SLC1A6: variants seen among roughly 807,000 people sequenced by gnomAD.
The protein encoded by SLC1A6 is excitatory amino acid transporter 4.
Under a neutral mutation model 42.1 loss-of-function variants are expected in SLC1A6, and 15 were observed. The ratio of observed to expected loss-of-function variants is 0.36; its 90% CI spans 0.24 to 0.55. The LOEUF (loss-of-function observed/expected upper bound fraction) is 0.55, where lower values mean the gene tolerates loss of function less well. Among genes scored for constraint, SLC1A6 ranks in the 20% least tolerant of loss-of-function variants. The probability of loss-of-function intolerance (pLI) is 0.88; values close to 1 mark genes in which losing one functional copy is unlikely to be tolerated. For missense variants in SLC1A6, 542 were observed against 772.5 expected (o/e 0.70, Z 3.54); for synonymous variants, 317 against 319.7 (o/e 0.99, Z 0.09).
At chr19:14,968,232 C>G in intron 4 of SLC1A6, 71 bp downstream of exon 4, 1 of 1,274,702 alleles carries the variant, frequency 7.8e-7, no homozygotes, top group Non-Finnish European at 1.1e-6. Flanking sequence ...TCTTTGCAGG[C>G]TATAATCTTT....
upstream of SLC1A6, among the ~76,000 whole-genome samples, chr19:14,982,896 A>G (rs1400530156): frequency 6.6e-6 from 1 of 152,258 alleles, no homozygotes; most frequent in African/African-American, 2.4e-5. Context: ...AACATAAAAT[A>G]GCATATTTTT....
chr19:15,002,964 A>ATGTTGT (rs140957015), intron 1 of SLC1A6, among the ~76,000 whole-genome samples: 1 of 150,814 alleles, frequency 6.6e-6, no homozygotes. Flanking sequence ...TTTTTGTGGG[A>ATGTTGT]TGTTGTTGTT....
Position 15,006,760 on chromosome 19 carries a change from CAAAAAAA to C in SLC1A6, c.6+3718_6+3724del, listed in dbSNP as rs58932066. On this transcript the variant is annotated intron_variant, in intron 1 of 8. Coordinates refer to the SLC1A6 transcript ENST00000430939. Reference sequence around the variant, plus strand: ...GAAAGATAGCAAGACCCTGTCTCTACAAAAAAAAAAAAAGAAAAAGAAAAGAAAAGAA... The same window carrying C: ...GAAAGATAGCAAGACCCTGTCTCTACAAAAAAGAAAAAGAAAAGAAAAGAA... Among the ~76,000 whole-genome samples, 711 of 133,138 alleles carry C rather than the reference CAAAAAAA, an allele frequency of 5.3e-3. 12 individuals carry two copies. The highest frequency in any genetic ancestry group is 0.019 in the African/African-American group (687 of 35,514). The allele number at this position is 133,138 out of a possible 152,430, so 87.3% of individuals were successfully genotyped here.
upstream of SLC1A6, among the ~76,000 whole-genome samples, chr19:14,984,477 G>C (rs1303600402): frequency 6.6e-6 from 1 of 152,184 alleles, no homozygotes; most frequent in African/African-American, 2.4e-5. Context: ...GTCTTACACA[G>C]ACAGGCAGTT....
chr19:14,957,594 C>T (rs908244557), intron 6 of SLC1A6, among the ~76,000 whole-genome samples: 1 of 152,210 alleles, frequency 6.6e-6, no homozygotes, highest in African/African-American at 2.4e-5. Context: ...ACTTCCCACC[C>T]TCCAGAGCTG....
intron 1 of SLC1A6, chr19:14,975,329 T>C (rs537870155): frequency 1.9e-4 from 18 of 92,640 alleles, no homozygotes; most frequent in African/African-American, 7.5e-4. Context: ...AAATGATCAA[T>C]GTTTGAGATG....
intron 1 of SLC1A6, among the ~76,000 whole-genome samples, chr19:14,996,540 CTTCTTCTTCTTCTTCTTCTTG>C (rs1376497585): frequency 7.1e-6 from 1 of 141,676 alleles, no homozygotes; most frequent in African/African-American, 2.7e-5. Context: ...TCTTCTTCTT[CTTCTTCTTCTTCTTCTTCTTG>C]TTCTTCTTCC....
upstream of SLC1A6, among the ~76,000 whole-genome samples, chr19:14,981,837 G>A (rs899195606): frequency 2.6e-5 from 4 of 152,094 alleles, no homozygotes; most frequent in East Asian, 1.9e-4. Context: ...ATCTACCTGC[G>A]CAGTCCTCTT....
At chr19:14,971,613 C>T in intron 3 of SLC1A6, 124 bp downstream of exon 3, 3 of 968,802 alleles carry the variant, frequency 3.1e-6, no homozygotes, top group South Asian at 3.2e-5. Flanking sequence ...GGACCAGACA[C>T]AGGCTCCATG....
intron 1 of SLC1A6, among the ~76,000 whole-genome samples, chr19:14,991,060 T>G (rs2145232033): frequency 6.6e-6 from 1 of 152,260 alleles, no homozygotes. Flanking sequence ...ATAAAAATAT[T>G]TTTAAAACAC....
rs2301854 is a variant in SLC1A6, at chr19:14,962,433, G to C, written c.592-88C>G. On this transcript the variant is annotated intron_variant, in intron 5 of 9. Coordinates refer to ENST00000594383, the MANE Select transcript of SLC1A6 (RefSeq NM_005071.3). The stretch of plus-strand genomic sequence containing the variant: ...AATTCCTTGAGACCACTGATTCCCA[G>C]TTCCCACACCCTGGAAGATCGATAA... 3.0e-4 allele frequency: 262 copies of C among 859,916 alleles called. 1 individual carries two copies. The East Asian group carries it at 5.8e-3, about 19-fold the overall frequency. 53.3% of individuals were successfully genotyped at this position (859,916 alleles called of 1,614,324 possible).
intron 1 of SLC1A6, among the ~76,000 whole-genome samples, chr19:14,995,341 A>G (rs981488874): frequency 8.4e-6 from 1 of 119,666 alleles, no homozygotes; most frequent in African/African-American, 3.1e-5. Flanking sequence ...AAAAAAAAAA[A>G]AAAGAAAGAA....
chr19:14,966,575 T>A (rs952478355), intron 4 of SLC1A6, among the ~76,000 whole-genome samples: 6 of 152,172 alleles, frequency 3.9e-5, no homozygotes, highest in South Asian at 2.1e-4. Context: ...GTTAATTTTT[T>A]AAAAAATCGT....
chr19:14,992,278 G>A (rs1286522695), intron 1 of SLC1A6, among the ~76,000 whole-genome samples: 1 of 152,084 alleles, frequency 6.6e-6, no homozygotes, highest in Non-Finnish European at 1.5e-5. Context: ...TAGCTTAGTC[G>A]CCGGTTTTTT....
intron 1 of SLC1A6, among the ~76,000 whole-genome samples, chr19:15,007,635 T>G (rs1240256003): frequency 6.6e-6 from 1 of 152,194 alleles, no homozygotes; most frequent in African/African-American, 2.4e-5. Context: ...GGACCCACTA[T>G]GTGCTATGAA....
intron 1 of SLC1A6, chr19:14,974,341 A>T (rs1364413384): frequency 1.3e-5 from 2 of 152,190 alleles, no homozygotes; most frequent in Admixed American, 6.5e-5. Flanking sequence ...TGGACGACAG[A>T]GTGAGACTCT....
chr19:14,966,201 T>A (rs1000684808), intron 4 of SLC1A6, among the ~76,000 whole-genome samples: 1 of 152,078 alleles, frequency 6.6e-6, no homozygotes, highest in Non-Finnish European at 1.5e-5. Flanking sequence ...AATTAAAAAA[T>A]TTTTCATAGG....
intron 4 of SLC1A6, among the ~76,000 whole-genome samples, chr19:14,965,431 A>G (rs1330603904): frequency 2.6e-5 from 4 of 152,212 alleles, no homozygotes; most frequent in Non-Finnish European, 4.4e-5. Context: ...ACCTGCACAC[A>G]TATGTTTATC....
chr19:14,962,898 T>A (rs1325542498), intron 5 of SLC1A6, among the ~76,000 whole-genome samples: 1 of 151,778 alleles, frequency 6.6e-6, no homozygotes, highest in Non-Finnish European at 1.5e-5. Flanking sequence ...TGAGACTCCA[T>A]CTCAAAAAAA....
Sources: allele counts gnomAD v4.1 joint callset (sites outside exome capture counted in the v4.1 genomes callset), GRCh38; gene constraint gnomAD v4.1.1; transcripts MANE v1.5; gene names NCBI Gene and HGNC (gene_info 2026-07-23, HGNC 2026-07-21).